UBAP2: variants seen among roughly 807,000 people sequenced by gnomAD.
UBAP2 encodes ubiquitin associated protein 2, also known as ubiquitin-associated protein 2.
Under a neutral mutation model 139.6 loss-of-function variants are expected in UBAP2, and 75 were observed. That is an observed-to-expected ratio of 0.54 (90% confidence interval 0.45 to 0.65). UBAP2 has a LOEUF of 0.65. Ranked by LOEUF, UBAP2 falls within the 30% of genes least tolerant of loss-of-function variation. UBAP2 has a pLI of 0.00. For missense variants in UBAP2, 1,368 were observed against 1,369.6 expected (o/e 1.00, Z 0.02); for synonymous variants, 526 against 526.2 (o/e 1.00, Z 0.01).
rs567084894 is a variant in UBAP2 at position 34,005,235 on chromosome 9, C to T, written c.100-6371G>A. Among the ~76,000 whole-genome samples the T allele has an allele frequency of 1.2e-4, 18 of 150,388 alleles. No individual in the cohort carries two copies. In the South Asian group the frequency reaches 3.4e-3, roughly 28 times the overall value. On this transcript the variant is annotated intron_variant, in intron 2 of 28. Coordinates refer to ENST00000379238, the MANE Select transcript of UBAP2 (RefSeq NM_001370062.2). ...CTGAGATCTCACCACTGTACTCCAG[C>T]CTGGGCAGCAGAGTGAAACTGTGTC... is the stretch of plus-strand genomic sequence containing the variant.
intron 19 of UBAP2, among the ~76,000 whole-genome samples, chr9:33,929,928 T>C (rs148997165): frequency 0.081 from 12,252 of 152,182 alleles, 711 homozygotes; most frequent in Non-Finnish European, 0.12. Flanking sequence ...TGCTTGAACC[T>C]GGGAGGTGGA....
At chr9:34,037,031 C>T (rs1021675289) in intron 1 of UBAP2, among the ~76,000 whole-genome samples, 2 of 141,072 alleles carry the variant, frequency 1.4e-5, no homozygotes, top group Admixed American at 7.6e-5. Flanking sequence ...CTCTATCACC[C>T]GGGCTGGAGT....
rs770977858 is a variant in UBAP2, at chr9:33,927,130, G to A, written c.2372-50C>T. 3.5e-6 allele frequency: 5 copies of A among 1,442,324 alleles called. No individual in the cohort carries two copies. The Admixed American group carries it at 7.6e-5, about 22-fold the overall frequency. The allele number at this position is 1,442,324 out of a possible 1,614,324, so 89.3% of individuals were successfully genotyped here. Reference sequence around the variant, plus strand: ...GAGTGAAATGGTCACCACAAAGAGTGAGAGTCCTCAGCTGCTTCAGGAGGA... The same window carrying A: ...GAGTGAAATGGTCACCACAAAGAGTAAGAGTCCTCAGCTGCTTCAGGAGGA... On this transcript the variant is annotated intron_variant, in intron 20 of 28. Coordinates refer to ENST00000379238, the MANE Select transcript of UBAP2 (RefSeq NM_001370062.2).
chr9:34,012,728 G>A (rs941448932), intron 2 of UBAP2, among the ~76,000 whole-genome samples: 11 of 151,900 alleles, frequency 7.2e-5, no homozygotes, highest in African/African-American at 2.4e-4. Flanking sequence ...GAAAGGAAGA[G>A]AACAGGATAA....
intron 11 of UBAP2, among the ~76,000 whole-genome samples, chr9:33,954,765 A>C (rs1826410575): frequency 6.6e-6 from 1 of 152,174 alleles, no homozygotes; most frequent in Non-Finnish European, 1.5e-5. Flanking sequence ...CAAACTCCAA[A>C]CAATCTCAAA....
At chr9:34,008,318 CAA>C (rs35956096) in intron 2 of UBAP2, among the ~76,000 whole-genome samples, 4,259 of 112,938 alleles carry the variant, frequency 0.038, 92 homozygotes, top group South Asian at 0.091. Context: ...AACTCCGTCT[CAA>C]AAAAAAAAAA....
At chr9:34,020,771 T>C (rs1431493717) in intron 1 of UBAP2, among the ~76,000 whole-genome samples, 1 of 151,972 alleles carries the variant, frequency 6.6e-6, no homozygotes, top group Non-Finnish European at 1.5e-5. Context: ...GCCATTCTCC[T>C]GCCTCAGCCT....
At chr9:34,027,353 T>C (rs1488655985) in intron 1 of UBAP2, among the ~76,000 whole-genome samples, 1 of 151,988 alleles carries the variant, frequency 6.6e-6, no homozygotes. Context: ...TGGTGGCGCA[T>C]GCCTGTAATC....
chr9:33,989,859 C>T (rs190256648), intron 4 of UBAP2, among the ~76,000 whole-genome samples: 61 of 152,204 alleles, frequency 4.0e-4, no homozygotes, highest in Admixed American at 3.2e-3. Flanking sequence ...TTGCCTGTTC[C>T]ATTATTCAAA....
At chr9:34,029,705 T>A (rs1188909938) in intron 1 of UBAP2, among the ~76,000 whole-genome samples, 1 of 150,236 alleles carries the variant, frequency 6.7e-6, no homozygotes, top group Non-Finnish European at 1.5e-5. Flanking sequence ...AAGGAAGAAA[T>A]GCGGCCAGGC....
intron 24 of UBAP2, 89 bp from the exon 25 acceptor site, chr9:33,923,567 G>A (rs993626185): frequency 9.1e-6 from 12 of 1,314,018 alleles, no homozygotes; most frequent in Non-Finnish European, 1.2e-5. Flanking sequence ...GGCAGCAGGT[G>A]ACATACCCAC....
At chr9:34,017,921 C>T (rs909928020) in intron 1 of UBAP2, among the ~76,000 whole-genome samples, 3 of 149,610 alleles carry the variant, frequency 2.0e-5, no homozygotes, top group South Asian at 2.1e-4. Flanking sequence ...AGCGAGACTC[C>T]GTCTCAAAAA....
intron 12 of UBAP2, among the ~76,000 whole-genome samples, chr9:33,949,354 G>T (rs1294305690): frequency 6.6e-6 from 1 of 152,006 alleles, no homozygotes; most frequent in Non-Finnish European, 1.5e-5. Flanking sequence ...CATCTTTAAT[G>T]ATTACAAGAT....
chr9:33,923,128 G>A, intron 26 of UBAP2, 58 bp downstream of exon 26: 1 of 1,607,218 alleles, frequency 6.2e-7, no homozygotes, highest in Non-Finnish European at 8.5e-7. Context: ...CCTGAGAGGG[G>A]ATCAGGCAGG....
intron 2 of UBAP2, among the ~76,000 whole-genome samples, chr9:34,016,824 C>G (rs1269913871): frequency 6.6e-6 from 1 of 152,062 alleles, no homozygotes; most frequent in African/African-American, 2.4e-5. Flanking sequence ...TCCCAAAGTG[C>G]TGGGATTACA....
At position 33,933,313 on chromosome 9, in the gene UBAP2, T is replaced by C. The variant is rs3818426; in HGVS notation, c.2108+177A>G. ...GCGGTACAAGCAGGCAAGGTTTCCA[T>C]ATCTGGTGGTTTTAAGGAACAACCT... On this transcript the variant is annotated intron_variant, in intron 18 of 28. Coordinates refer to ENST00000379238, the MANE Select transcript of UBAP2 (RefSeq NM_001370062.2). 4.0e-4 allele frequency among the ~76,000 whole-genome samples: 61 copies of C among 152,284 alleles called. 1 individual carries two copies. In the East Asian group the frequency reaches 0.012, roughly 29 times the overall value.
At chr9:34,024,150 G>C (rs1825205253) in intron 1 of UBAP2, among the ~76,000 whole-genome samples, 1 of 151,952 alleles carries the variant, frequency 6.6e-6, no homozygotes, top group Admixed American at 6.6e-5. Context: ...CCTGAGGTCG[G>C]GAGTTCAAGA....
intron 2 of UBAP2, 72 bp downstream of exon 2, chr9:34,016,978 A>G: frequency 9.7e-7 from 1 of 1,033,900 alleles, no homozygotes; most frequent in Middle Eastern, 2.5e-4. Flanking sequence ...AGTTCCACAT[A>G]CCCTAAAACT....
intron 21 of UBAP2, 65 bp from the exon 22 acceptor site, chr9:33,926,729 T>C: frequency 1.9e-6 from 3 of 1,567,712 alleles, no homozygotes; most frequent in East Asian, 2.2e-5. Flanking sequence ...CCCAGGTCCA[T>C]CTAGGAGTCA....
Sources: allele counts gnomAD v4.1 joint callset (sites outside exome capture counted in the v4.1 genomes callset), GRCh38; gene constraint gnomAD v4.1.1; transcripts MANE v1.5; gene names NCBI Gene and HGNC (gene_info 2026-07-23, HGNC 2026-07-21).